FAM184A: variants seen among roughly 807,000 people sequenced by gnomAD.
FAM184A encodes the protein protein FAM184A.
FAM184A carries 99 observed loss-of-function variants against 143.8 expected under a neutral mutation model. The ratio of observed to expected loss-of-function variants is 0.69; its 90% CI spans 0.58 to 0.81. The LOEUF is 0.81. Among genes scored for constraint, FAM184A ranks in the 40% least tolerant of loss-of-function variants. The pLI is 0.00. For missense variants in FAM184A, 1,217 were observed against 1,310.5 expected (o/e 0.93, Z 1.10); for synonymous variants, 427 against 446.4 (o/e 0.96, Z 0.55).
chr6:119,085,965 G>A (rs558655272), intron 1 of FAM184A, among the ~76,000 whole-genome samples: 1 of 152,218 alleles, frequency 6.6e-6, no homozygotes, highest in South Asian at 2.1e-4. Context: ...CAAGGGGATG[G>A]TGCTAACCCA....
At chr6:119,059,674 T>C (rs1562132384) in intron 1 of FAM184A, among the ~76,000 whole-genome samples, 1 of 152,198 alleles carries the variant, frequency 6.6e-6, no homozygotes, top group Non-Finnish European at 1.5e-5. Flanking sequence ...CATAATTACT[T>C]GAAGCAAAAT....
rs1326728276 is a variant in FAM184A at position 118,961,902 on chromosome 6, G to C, written c.3200C>G (p.Ala1067Gly). 3.1e-6 allele frequency: 5 copies of C among 1,613,896 alleles called. No homozygotes were observed. Among genetic ancestry groups the C allele is most frequent in the Non-Finnish European group, 4.2e-6 (5 of 1,179,876 alleles). The part of the protein sequence containing the change: ...NRFVSVPNLS[A>G]LESGGVGNGH... ...ATTGCCCACTCCACCAGATTCCAGA[G>C]CACTTAGATTGGGAACACTCACAAA... is the stretch of plus-strand genomic sequence containing the variant. Residue 1067 changes from alanine to glycine, a missense_variant, in exon 17 of 18, where the codon GCT (alanine) becomes GGT (glycine). By Grantham distance (60) the Ala-to-Gly change is moderately conservative. Transcript: ENST00000338891.
At chr6:118,997,828 C>A (rs1017515184) in intron 9 of FAM184A, among the ~76,000 whole-genome samples, 14 of 152,062 alleles carry the variant, frequency 9.2e-5, no homozygotes, top group African/African-American at 3.1e-4. Flanking sequence ...GCCACATGTA[C>A]AATTTAAAGT....
chr6:118,972,388 A>T (rs1783722289), intron 14 of FAM184A, among the ~76,000 whole-genome samples: 1 of 152,194 alleles, frequency 6.6e-6, no homozygotes, highest in South Asian at 2.1e-4. Context: ...AATCTATTGG[A>T]CAGTGTTGGT....
chr6:119,121,792 A>T (rs1321570345), intron 1 of FAM184A, among the ~76,000 whole-genome samples: 1 of 152,234 alleles, frequency 6.6e-6, no homozygotes, highest in Non-Finnish European at 1.5e-5. Flanking sequence ...AGGCATGAAG[A>T]TCTGAACTGT....
At chr6:119,100,863 G>T (rs960436710) in intron 1 of FAM184A, among the ~76,000 whole-genome samples, 1 of 151,818 alleles carries the variant, frequency 6.6e-6, no homozygotes, top group Non-Finnish European at 1.5e-5. Context: ...GGAGGCTGAG[G>T]CAGGAGAATC....
chr6:119,034,313 G>A (rs909101786), intron 1 of FAM184A, among the ~76,000 whole-genome samples: 5 of 151,424 alleles, frequency 3.3e-5, no homozygotes, highest in African/African-American at 1.2e-4. Flanking sequence ...TGAATCATTT[G>A]AAAATAAGTT....
intron 4 of FAM184A, among the ~76,000 whole-genome samples, chr6:119,017,582 T>A (rs183731765): frequency 6.3e-4 from 96 of 152,022 alleles, no homozygotes; most frequent in African/African-American, 2.2e-3. Context: ...TCAAAGGATA[T>A]CACTCAATAC....
intron 6 of FAM184A, among the ~76,000 whole-genome samples, chr6:119,010,379 C>T (rs1383043053): frequency 1.3e-5 from 2 of 152,074 alleles, no homozygotes; most frequent in Non-Finnish European, 2.9e-5. Flanking sequence ...ATTTCTTTAT[C>T]GTTATTAACA....
intron 12 of FAM184A, 148 bp from the exon 13 acceptor site, chr6:118,975,356 C>A (rs771725652): frequency 4.7e-5 from 29 of 614,032 alleles, no homozygotes; most frequent in Non-Finnish European, 6.7e-5. Context: ...ATGAGAAAAC[C>A]TCAAGGCCTG....
intron 1 of FAM184A, among the ~76,000 whole-genome samples, chr6:119,144,380 C>G (rs1772352756): frequency 6.6e-6 from 1 of 151,414 alleles, no homozygotes; most frequent in Non-Finnish European, 1.5e-5. Context: ...CTGCCTGGGA[C>G]TTGCGTCCTA....
intron 5 of FAM184A, among the ~76,000 whole-genome samples, chr6:119,014,066 A>T (rs1469941276): frequency 2.6e-5 from 4 of 152,258 alleles, no homozygotes; most frequent in African/African-American, 4.8e-5. Flanking sequence ...CCTGAGTTCA[A>T]GGCCTGACTG....
At chr6:119,134,389 A>C (rs10457349) in intron 1 of FAM184A, among the ~76,000 whole-genome samples, 46,710 of 151,976 alleles carry the variant, frequency 0.31, 7,580 homozygotes, top group East Asian at 0.52. Flanking sequence ...AGATTGATAC[A>C]AATTTAAAAG....
chr6:118,987,957 T>C (rs1323296646), intron 9 of FAM184A, among the ~76,000 whole-genome samples: 1 of 152,166 alleles, frequency 6.6e-6, no homozygotes, highest in Non-Finnish European at 1.5e-5. Context: ...ACAAAATATA[T>C]CTTATTGAAT....
intron 1 of FAM184A, among the ~76,000 whole-genome samples, chr6:119,036,648 T>C (rs1186059971): frequency 1.3e-5 from 2 of 152,132 alleles, no homozygotes; most frequent in Non-Finnish European, 2.9e-5. Context: ...TGTGCTACCA[T>C]ACTTCAACAA....
chr6:118,991,191 T>C (rs1369686555), intron 9 of FAM184A, among the ~76,000 whole-genome samples: 6 of 151,490 alleles, frequency 4.0e-5, no homozygotes, highest in Admixed American at 3.9e-4. Flanking sequence ...ATGAATGAAG[T>C]CTTGCTCTGT....
chr6:119,068,465 T>A (rs182224107), intron 1 of FAM184A, among the ~76,000 whole-genome samples: 1 of 152,230 alleles, frequency 6.6e-6, no homozygotes, highest in African/African-American at 2.4e-5. Context: ...TTAATCTTTA[T>A]AATAATTCTA....
chr6:119,032,480 G>C (rs1270790464), intron 1 of FAM184A, among the ~76,000 whole-genome samples: 2 of 150,940 alleles, frequency 1.3e-5, no homozygotes, highest in Admixed American at 1.3e-4. Context: ...CCAGGGAGGG[G>C]GTGGGGGAGG....
At chr6:119,013,418 G>T (rs1785146217) in intron 5 of FAM184A, among the ~76,000 whole-genome samples, 1 of 152,166 alleles carries the variant, frequency 6.6e-6, no homozygotes, top group Non-Finnish European at 1.5e-5. Flanking sequence ...AAAGAAAGTG[G>T]CTACAGTGAA....
Sources: allele counts gnomAD v4.1 joint callset (sites outside exome capture counted in the v4.1 genomes callset), GRCh38; gene constraint gnomAD v4.1.1; transcripts MANE v1.5; gene names NCBI Gene and HGNC (gene_info 2026-07-23, HGNC 2026-07-21).